ABCA1: variants seen among roughly 807,000 people sequenced by gnomAD.
The protein encoded by ABCA1 is phospholipid-transporting ATPase ABCA1.
In ABCA1, 133 loss-of-function variants were observed where a neutral mutation model predicts 262.5. The observed-to-expected ratio is 0.51, with a 90% CI of 0.44 to 0.59. The LOEUF (loss-of-function observed/expected upper bound fraction) is 0.59, where lower values mean the gene tolerates loss of function less well. ABCA1 is among the 20% of genes least tolerant of loss of function. The pLI, the probability that ABCA1 is intolerant of heterozygous loss-of-function variation, is 0.00. For synonymous variants in ABCA1, 1,022 were observed against 1,043.5 expected (o/e 0.98, Z 0.40); for missense variants, 2,452 against 2,777.5 (o/e 0.88, Z 2.63).
intron 5 of ABCA1, among the ~76,000 whole-genome samples, chr9:104,862,995 C>T (rs1836772077): frequency 6.6e-6 from 1 of 151,648 alleles, no homozygotes; most frequent in Non-Finnish European, 1.5e-5. Flanking sequence ...AACCATCAGC[C>T]CTATTAAATG....
At chr9:104,919,478 G>A (rs1842020391) in intron 1 of ABCA1, among the ~76,000 whole-genome samples, 1 of 152,146 alleles carries the variant, frequency 6.6e-6, no homozygotes, top group Admixed American at 6.5e-5. Context: ...CGGACATGGT[G>A]GCATACGCCT....
At chr9:104,821,314 T>C (rs371677706) in intron 20 of ABCA1, 61 bp downstream of exon 20, 32 of 1,597,032 alleles carry the variant, frequency 2.0e-5, no homozygotes, top group East Asian at 6.8e-5. Flanking sequence ...ACTCCTCCCA[T>C]GATGGCATGA....
At position 104,798,556 on chromosome 9, in the gene ABCA1, G is replaced by T. The variant is rs1830085169; in HGVS notation, c.4986C>A (p.Ile1662=). 2 of 1,614,080 alleles carry T rather than the reference G, an allele frequency of 1.2e-6. No homozygotes were observed. Among genetic ancestry groups the T allele is most frequent in the East Asian group, 2.2e-5 (1 of 44,894 alleles). Reference sequence around the variant, plus strand: ...TGGCTGGGACGAAGGACATTGCAAAGATGACACAGATGGACACAAGGACAT... The same window carrying T: ...TGGCTGGGACGAAGGACATTGCAAATATGACACAGATGGACACAAGGACAT... ...SVDVLVSICV[I]FAMSFVPASF... Residue 1662 remains isoleucine, a synonymous_variant, in exon 37 of 50, where the codon ATC becomes ATA. Coordinates refer to ENST00000374736, the MANE Select transcript of ABCA1 (RefSeq NM_005502.4).
rs1399522535 is a variant in ABCA1, at chr9:104,913,966, A to AT, written c.-92-10196dup. ...AGCCGCCTGCCAACACGCCCGGCTAATTTTTTGTATTTTTAGTAGAGACGG... is the reference window on the plus strand; with the variant it reads ...AGCCGCCTGCCAACACGCCCGGCTAATTTTTTTGTATTTTTAGTAGAGACGG... On this transcript the variant is annotated intron_variant, in intron 1 of 49. Transcript: ENST00000374736. Among the ~76,000 whole-genome samples the AT allele has an allele frequency of 5.2e-4, 77 of 149,480 alleles. 2 individuals are homozygous for AT. Among genetic ancestry groups the AT allele is most frequent in the East Asian group, 2.0e-4 (1 of 4,932 alleles).
At chr9:104,906,955 C>T (rs1407387258) in intron 1 of ABCA1, among the ~76,000 whole-genome samples, 5 of 152,110 alleles carry the variant, frequency 3.3e-5, no homozygotes, top group Admixed American at 2.6e-4. Context: ...GGTCTCCCAA[C>T]CATTTGTCAC....
At chr9:104,878,156 A>G (rs937200764) in intron 5 of ABCA1, among the ~76,000 whole-genome samples, 4 of 152,180 alleles carry the variant, frequency 2.6e-5, no homozygotes, top group African/African-American at 4.8e-5. Flanking sequence ...GATTTATCCA[A>G]TTTTTACATC....
rs769981637 is a variant in ABCA1, at chr9:104,790,951, G to A, written c.5898C>T (p.Thr1966=). Reference sequence around the variant, plus strand: ...TTTTGTTAAGGAAAGCATCTCCTCTGGTAACAGTGGTATCTCCTGTTAACA... The same window carrying A: ...TTTTGTTAAGGAAAGCATCTCCTCTAGTAACAGTGGTATCTCCTGTTAACA... The part of the protein sequence containing the change: ...FKMLTGDTTV[T]RGDAFLNKNS... The change falls in exon 44 of 50, where the codon ACC becomes ACT. Residue 1966 remains threonine (T), a synonymous_variant. Transcript: ENST00000374736. 4 of 1,613,422 alleles carry A rather than the reference G, an allele frequency of 2.5e-6. No homozygotes were observed. The highest frequency in any genetic ancestry group is 2.5e-6 in the Non-Finnish European group (3 of 1,179,634).
At chr9:104,859,493 CTCTT>C (rs1443987753) in intron 6 of ABCA1, among the ~76,000 whole-genome samples, 2 of 150,882 alleles carry the variant, frequency 1.3e-5, no homozygotes, top group Non-Finnish European at 2.9e-5. Context: ...ACAATGCAGA[CTCTT>C]TATTACACCA....
chr9:104,900,610 T>A (rs1013873330), intron 2 of ABCA1, among the ~76,000 whole-genome samples: 1 of 152,128 alleles, frequency 6.6e-6, no homozygotes, highest in Non-Finnish European at 1.5e-5. Flanking sequence ...GAACTTGAGA[T>A]TCAGAGACAT....
At chr9:104,913,771 A>G (rs1341743306) in intron 1 of ABCA1, among the ~76,000 whole-genome samples, 2 of 150,284 alleles carry the variant, frequency 1.3e-5, no homozygotes, top group Non-Finnish European at 3.0e-5. Flanking sequence ...CCACCTCCCT[A>G]CAAGTTTTTA....
At position 104,799,922 on chromosome 9, in the gene ABCA1, G is replaced by A. The variant is rs1830192334; in HGVS notation, c.4840C>T (p.Leu1614Phe). 3 of 1,614,056 alleles carry A rather than the reference G, an allele frequency of 1.9e-6. No individual in the cohort carries two copies. The highest frequency in any genetic ancestry group is 3.3e-5 in the Admixed American group (2 of 60,000). ...TCTCCCTTTTGCAGGTTGGCCCGGA[G>A]AATGGCATTGTTGATGACATTCAGG... The part of the protein sequence containing the change: ...SFLNVINNAI[L>F]RANLQKGENP... Residue 1614 changes from leucine to phenylalanine, a missense_variant, in exon 36 of 50, where the codon CTC (leucine) becomes TTC (phenylalanine). Physicochemically the swap from Leu to Phe is conservative, Grantham distance 22. This residue lies in a region of ABCA1 where 752 missense variants were observed against 944.5 expected (regional missense o/e 0.80). Transcript: ENST00000374736.
chr9:104,828,433 A>T (rs570897120), intron 15 of ABCA1, among the ~76,000 whole-genome samples: 1 of 152,320 alleles, frequency 6.6e-6, no homozygotes, highest in African/African-American at 2.4e-5. Flanking sequence ...CCAATCCTGC[A>T]TCTTCCATAT....
chr9:104,806,147 C>G (rs1408937325), intron 31 of ABCA1, 94 bp downstream of exon 31: 1 of 1,315,242 alleles, frequency 7.6e-7, no homozygotes, highest in African/African-American at 1.5e-5. Context: ...ACAGACCCTC[C>G]CAACATGATA....
intron 9 of ABCA1, among the ~76,000 whole-genome samples, chr9:104,838,666 C>T (rs1260143499): frequency 6.6e-6 from 1 of 151,230 alleles, no homozygotes; most frequent in Non-Finnish European, 1.5e-5. Flanking sequence ...AGTATATGTA[C>T]ACTTAACAAA....
At chr9:104,906,885 C>T (rs1186531776) in intron 1 of ABCA1, among the ~76,000 whole-genome samples, 1 of 152,152 alleles carries the variant, frequency 6.6e-6, no homozygotes, top group African/African-American at 2.4e-5. Context: ...ACTTCACAGT[C>T]ATCCCAGTCA....
Position 104,787,965 on chromosome 9 carries a change from G to A in ABCA1, c.6159C>T (p.Leu2053=), listed in dbSNP as rs565625985. 3.7e-6 allele frequency: 6 copies of A among 1,614,218 alleles called. No homozygotes were observed. The African/African-American group carries it at 5.3e-5, about 14-fold the overall frequency. Residue 2053 remains leucine (L), a synonymous_variant, in exon 46 of 50, where the codon CTC becomes CTT. Transcript: ENST00000374736. The part of the protein sequence containing the change: ...GNYSGGNKRK[L]STAMALIGGP... Reference sequence around the variant, plus strand: ...CGCCGATCAAAGCCATGGCTGTAGAGAGCTTGCGTTTGTTGCCTCCACTAT... The same window carrying A: ...CGCCGATCAAAGCCATGGCTGTAGAAAGCTTGCGTTTGTTGCCTCCACTAT...
At position 104,828,910 on chromosome 9, in the gene ABCA1, C is replaced by T; in HGVS notation, c.2115+6G>A. 1 of 1,613,876 alleles carries T rather than the reference C, an allele frequency of 6.2e-7. No homozygotes were observed. The highest frequency in any genetic ancestry group is 8.5e-7 in the Non-Finnish European group (1 of 1,179,872). On this transcript the variant is annotated splice_donor_region_variant and intron_variant, in intron 15 of 49. Transcript: ENST00000374736. ...TGGCAGGGAAGAGCGAGTGAGGCTG[C>T]CTTACCTTCAGGATGACCACTAGCA...
intron 7 of ABCA1, among the ~76,000 whole-genome samples, chr9:104,857,133 A>G (rs573854903): frequency 4.6e-5 from 7 of 152,266 alleles, no homozygotes; most frequent in Admixed American, 4.6e-4. Flanking sequence ...GTGAAACCCT[A>G]TGTCTACTAA....
Position 104,837,091 on chromosome 9 carries a change from G to T in ABCA1, c.1200C>A (p.Asn400Lys). ...PATRQVMAEV[N>K]KTFQELAVFH... ...ACACAGCCAGTTCCTGGAAGGTCTT[G>T]TTCACCTGGAGTCAGGTGGGGAGCC... The change falls in exon 11 of 50, where the codon AAC (asparagine) becomes AAA (lysine). Residue 400 changes from asparagine (N) to lysine (K), a missense_variant. Physicochemically the swap from Asn to Lys is moderately conservative, Grantham distance 94. Transcript: ENST00000374736. The T allele has an allele frequency of 6.2e-7, 1 of 1,612,914 alleles. No homozygotes were observed. The highest frequency in any genetic ancestry group is 1.1e-5 in the South Asian group (1 of 91,034).
Sources: gnomAD v4.1 joint callset for allele counts (sites outside exome capture counted in the v4.1 genomes callset) on GRCh38, gnomAD v4.1.1 for gene constraint, gnomAD v4.1.1 regional missense constraint, MANE v1.5 for transcripts, NCBI Gene and HGNC (gene_info 2026-07-23, HGNC 2026-07-21) for gene names.